CCDC93: variants seen among roughly 807,000 people sequenced by gnomAD.
CCDC93 encodes CCC complex scaffolding subunit CCDC93.
CCDC93 carries 61 observed loss-of-function variants against 108.2 expected under a neutral mutation model. That is an observed-to-expected ratio of 0.56 (90% CI 0.46 to 0.70). The LOEUF is 0.70. Among genes scored for constraint, CCDC93 ranks in the 30% least tolerant of loss-of-function variants. The pLI is 0.00. For synonymous variants in CCDC93, 276 were observed against 260.4 expected, an observed-to-expected ratio of 1.06 and a Z score of -0.58; for missense variants, 685 against 764.2, an observed-to-expected ratio of 0.90 and a Z score of 1.22.
Position 117,936,697 on chromosome 2 carries a change from C to CT in CCDC93, c.1643+4dup. The CT allele has an allele frequency of 3.1e-6, 5 of 1,611,424 alleles. No homozygotes were observed. Among genetic ancestry groups the CT allele is most frequent in the Non-Finnish European group, 4.2e-6 (5 of 1,177,510 alleles). On this transcript the variant is annotated splice_donor_region_variant and intron_variant, in intron 21 of 23. Coordinates refer to ENST00000376300, the MANE Select transcript of CCDC93 (RefSeq NM_019044.5). ...TTAGTGGGAAGGAGGACTGACAGTA[C>CT]TTACTGTGAGAAGTTCTCATGAATT...
In CCDC93 at chr2:117,931,051, TCA is replaced by T. The variant is rs1203601113; in HGVS notation, c.1826_1827del (p.Val609GlufsTer99). 4 of 1,609,494 alleles carry T rather than the reference TCA, an allele frequency of 2.5e-6. No individual in the cohort carries two copies. The highest frequency in any genetic ancestry group is 3.4e-6 in the Non-Finnish European group (4 of 1,176,354). On this transcript the variant is annotated frameshift_variant, in exon 23 of 24. Transcript: ENST00000376300. LOFTEE classifies it high-confidence loss of function. ...LEKQRLYFKT[V>X]KEFKEEGRKN... Reference sequence around the variant, plus strand: ...CTTCCTCTTACCTCCTTGAACTCTTTCACAGTCTTAAAGTATAGCCTCTGCTT... The same window carrying T: ...CTTCCTCTTACCTCCTTGAACTCTTTCAGTCTTAAAGTATAGCCTCTGCTT...
intron 14 of CCDC93, among the ~76,000 whole-genome samples, chr2:117,948,608 T>C (rs1187090547): frequency 6.6e-6 from 1 of 152,220 alleles, no homozygotes; most frequent in East Asian, 1.9e-4. Context: ...AAATATCAAC[T>C]ATCTGACAGT....
chr2:117,978,073 T>G, intron 7 of CCDC93, 43 bp from the exon 8 acceptor site: 2 of 1,551,842 alleles, frequency 1.3e-6, no homozygotes, highest in Middle Eastern at 1.7e-4. Flanking sequence ...CTTAAAAAAT[T>G]ACAATACATT....
chr2:117,996,165 TG>T, intron 5 of CCDC93, 98 bp downstream of exon 5: 1 of 701,374 alleles, frequency 1.4e-6, no homozygotes, highest in Non-Finnish European at 2.4e-6. Flanking sequence ...GGGCTGAGAA[TG>T]TAGGGGAGCC....
At chr2:117,970,986 CAG>C (rs1367961363) in intron 11 of CCDC93, among the ~76,000 whole-genome samples, 1 of 152,104 alleles carries the variant, frequency 6.6e-6, no homozygotes, top group Non-Finnish European at 1.5e-5. Context: ...CAATGGCAAA[CAG>C]AAACAACTTA....
intron 21 of CCDC93, 50 bp from the exon 22 acceptor site, chr2:117,935,629 A>G (rs748251232): frequency 7.5e-7 from 1 of 1,336,364 alleles, no homozygotes; most frequent in South Asian, 1.2e-5. Flanking sequence ...ACTCTGAGGC[A>G]GGGGGAAATG....
intron 1 of CCDC93, among the ~76,000 whole-genome samples, chr2:118,011,059 G>A (rs983493557): frequency 3.3e-5 from 5 of 152,124 alleles, no homozygotes; most frequent in Admixed American, 3.3e-4. Context: ...TTATATACTT[G>A]GGTTTACTCC....
chr2:118,000,775 G>A (rs1183395190), intron 4 of CCDC93, 46 bp downstream of exon 4: 8 of 1,263,822 alleles, frequency 6.3e-6, no homozygotes, highest in Non-Finnish European at 9.3e-6. Flanking sequence ...GCCCATCACA[G>A]GAATTCTGAT....
At chr2:117,962,991 AC>A (rs1042666061) in intron 11 of CCDC93, among the ~76,000 whole-genome samples, 3 of 152,202 alleles carry the variant, frequency 2.0e-5, no homozygotes, top group Non-Finnish European at 4.4e-5. Context: ...GGGGCAAAAA[AC>A]CCATAAGTAA....
chr2:117,923,263 TG>T (rs1470130525), intron 23 of CCDC93, among the ~76,000 whole-genome samples: 2 of 151,884 alleles, frequency 1.3e-5, no homozygotes, highest in South Asian at 2.1e-4. Context: ...TGTCAGAAAG[TG>T]GGTGCAAGAC....
intron 11 of CCDC93, among the ~76,000 whole-genome samples, chr2:117,964,418 T>C (rs2104765693): frequency 6.6e-6 from 1 of 152,324 alleles, no homozygotes; most frequent in Admixed American, 6.5e-5. Context: ...TCAGCAAATA[T>C]CTGTGAAAAC....
intron 1 of CCDC93, among the ~76,000 whole-genome samples, chr2:118,013,557 T>C (rs1677077431): frequency 6.6e-6 from 1 of 152,122 alleles, no homozygotes; most frequent in African/African-American, 2.4e-5. Flanking sequence ...CGGAGAGCGG[T>C]CTCGTGACTC....
chr2:117,943,873 G>A, intron 18 of CCDC93, 151 bp downstream of exon 18: 1 of 529,324 alleles, frequency 1.9e-6, no homozygotes, highest in South Asian at 3.2e-5. Flanking sequence ...AAATCACTGA[G>A]TTACACTCCA....
chr2:118,004,589 G>A (rs144540714), intron 3 of CCDC93, among the ~76,000 whole-genome samples: 1 of 152,092 alleles, frequency 6.6e-6, no homozygotes, highest in Non-Finnish European at 1.5e-5. Context: ...ACTCTATGGT[G>A]GGGGGGAACA....
intron 11 of CCDC93, among the ~76,000 whole-genome samples, chr2:117,964,662 G>A (rs1679498752): frequency 6.6e-6 from 1 of 151,988 alleles, no homozygotes; most frequent in African/African-American, 2.4e-5. Context: ...GCAGTGGCAT[G>A]ATCATAGCTC....
intron 23 of CCDC93, among the ~76,000 whole-genome samples, chr2:117,928,651 C>T (rs529933785): frequency 6.6e-6 from 1 of 152,294 alleles, no homozygotes; most frequent in South Asian, 2.1e-4. Context: ...AACACTTTTA[C>T]ACTGTTGGTG....
rs745601908 is a variant in CCDC93, at chr2:118,014,045, G to A, written c.-50C>T. On this transcript the variant is annotated 5_prime_UTR_variant, in exon 1 of 24. Transcript: ENST00000376300. ...GAGAGCGAAGCCCGCCAAGCGTCCGGAGGAAGCTGTCCCTGCCGCGGAGCT... is the reference window on the plus strand; with the variant it reads ...GAGAGCGAAGCCCGCCAAGCGTCCGAAGGAAGCTGTCCCTGCCGCGGAGCT... 1.2e-5 allele frequency: 19 copies of A among 1,575,614 alleles called. No homozygotes were observed. Among genetic ancestry groups the A allele is most frequent in the South Asian group, 1.2e-4 (10 of 85,750 alleles).
rs1677732148 is a variant in CCDC93 at position 117,917,800 on chromosome 2, T to C, written c.*2543A>G. ...CGCGGCTTAAAGCAGAGCAGTCCCA[T>C]GTACTCCATAAGAAGCAAGAAGTGG... is the stretch of plus-strand genomic sequence containing the variant. On this transcript the variant is annotated 3_prime_UTR_variant, in exon 24 of 24. Transcript: ENST00000376300. 2.6e-5 allele frequency: 4 copies of C among 152,352 alleles called. No individual in the cohort carries two copies. Among genetic ancestry groups the C allele is most frequent in the South Asian group, 2.1e-4 (1 of 4,816 alleles). 9.4% of individuals were successfully genotyped at this position (152,352 alleles called of 1,614,324 possible).
intron 14 of CCDC93, 90 bp from the exon 15 acceptor site, chr2:117,948,276 C>G: frequency 3.5e-6 from 3 of 849,406 alleles, no homozygotes; most frequent in Non-Finnish European, 5.7e-6. Context: ...TAAAAAAGGA[C>G]TCTCCTTTTA....
Sources: allele counts gnomAD v4.1 joint callset (sites outside exome capture counted in the v4.1 genomes callset), GRCh38; gene constraint gnomAD v4.1.1; transcripts MANE v1.5; gene names NCBI Gene and HGNC (gene_info 2026-07-23, HGNC 2026-07-21).